The following IPO11 variants were observed in gnomAD, a reference collection of about 807,000 sequenced individuals.
The protein encoded by IPO11 is importin-11.
IPO11 carries 66 observed loss-of-function variants against 143.2 expected under a neutral mutation model. That is an observed-to-expected ratio of 0.46 (90% CI 0.38 to 0.57). The LOEUF is 0.57. Among genes scored for constraint, IPO11 ranks in the 20% least tolerant of loss-of-function variants. The pLI, the probability that IPO11 is intolerant of heterozygous loss-of-function variation, is 0.00. For synonymous variants in IPO11, 385 were observed against 377.8 expected (o/e 1.02, Z -0.22); for missense variants, 1,026 against 1,141.0 (o/e 0.90, Z 1.45).
At chr5:62,615,681 G>A (rs927090396) in intron 29 of IPO11, among the ~76,000 whole-genome samples, 1 of 152,214 alleles carries the variant, frequency 6.6e-6, no homozygotes, top group East Asian at 1.9e-4. Flanking sequence ...ATAGATGGGA[G>A]CTCTGAGGAG....
chr5:62,506,416 C>T, intron 19 of IPO11, 59 bp downstream of exon 19: 2 of 908,780 alleles, frequency 2.2e-6, no homozygotes, highest in Non-Finnish European at 3.5e-6. Flanking sequence ...ACGTAGAATT[C>T]ATTAATATCC....
chr5:62,479,550 A>G (rs905375179), intron 9 of IPO11, among the ~76,000 whole-genome samples: 24 of 152,188 alleles, frequency 1.6e-4, no homozygotes, highest in African/African-American at 5.8e-4. Context: ...TTACAGTCCC[A>G]CCAACAGTGT....
intron 27 of IPO11, among the ~76,000 whole-genome samples, chr5:62,570,429 C>T (rs1420338865): frequency 6.6e-6 from 1 of 152,118 alleles, no homozygotes; most frequent in Non-Finnish European, 1.5e-5. Flanking sequence ...TTACTTTACC[C>T]TTGAAACATA....
At chr5:62,503,942 C>T (rs991116098) in intron 16 of IPO11, among the ~76,000 whole-genome samples, 3 of 152,158 alleles carry the variant, frequency 2.0e-5, no homozygotes, top group Non-Finnish European at 2.9e-5. Context: ...TATTATCTCA[C>T]AGATTGAAAT....
rs186693649 is a variant in IPO11, at chr5:62,624,249, G to T, written c.2764-2905G>T. ...GGGTTTCTCCATGTTGGTCAGGCTG[G>T]TCTCAAACTCCTGACCTCAGGTGAT... On this transcript the variant is annotated intron_variant, in intron 29 of 29. Transcript: ENST00000325324. Among the ~76,000 whole-genome samples, 20 of 152,022 alleles carry T rather than the reference G, an allele frequency of 1.3e-4. No individual in the cohort carries two copies. The East Asian group carries it at 3.3e-3, about 25-fold the overall frequency.
chr5:62,451,407 G>C (rs1744920122), intron 4 of IPO11, among the ~76,000 whole-genome samples: 1 of 152,078 alleles, frequency 6.6e-6, no homozygotes, highest in African/African-American at 2.4e-5. Context: ...CATTTTTAGG[G>C]TCTGGCTATT....
At chr5:62,425,339 C>T (rs1000221578) in intron 1 of IPO11, among the ~76,000 whole-genome samples, 15 of 152,080 alleles carry the variant, frequency 9.9e-5, no homozygotes, top group African/African-American at 2.7e-4. Context: ...TTTTTCAAGA[C>T]GGAGTTTTGC....
In IPO11 at chr5:62,429,655, G is replaced by A. The variant is rs183389628; in HGVS notation, c.-6-7619G>A. Among the ~76,000 whole-genome samples the A allele has an allele frequency of 2.0e-3, 281 of 141,034 alleles. 4 individuals carry two copies. Among genetic ancestry groups the A allele is most frequent in the Non-Finnish European group, 6.5e-4 (42 of 64,848 alleles). 92.5% of individuals were successfully genotyped at this position (141,034 alleles called of 152,430 possible). A position where few individuals can be genotyped will look rare whatever the true frequency, so the allele number is the denominator to read the frequency against. Reference sequence around the variant, plus strand: ...GTGTTTATTTTTGAGACAGAGTCTCGCTCTGTCGTCCAGACTGGAGTGCAG... The same window carrying A: ...GTGTTTATTTTTGAGACAGAGTCTCACTCTGTCGTCCAGACTGGAGTGCAG... On this transcript the variant is annotated intron_variant, in intron 1 of 29. Coordinates refer to ENST00000325324, the MANE Select transcript of IPO11 (RefSeq NM_016338.5).
intron 27 of IPO11, among the ~76,000 whole-genome samples, chr5:62,589,676 T>A (rs1178351704): frequency 6.6e-6 from 1 of 152,200 alleles, no homozygotes; most frequent in Non-Finnish European, 1.5e-5. Context: ...TTCTTTTTAC[T>A]GCCCTGGGCA....
intron 2 of IPO11, among the ~76,000 whole-genome samples, chr5:62,439,262 A>G (rs1339435796): frequency 7.1e-6 from 1 of 140,588 alleles, no homozygotes; most frequent in Non-Finnish European, 1.5e-5. Flanking sequence ...ACTATACCTT[A>G]TTAATAATAC....
Position 62,431,934 on chromosome 5 carries a change from CACAT to C in IPO11, c.-6-5305_-6-5302del, listed in dbSNP as rs57913836. On this transcript the variant is annotated intron_variant, in intron 1 of 29. Transcript: ENST00000325324. ...CCAGCCTGGGTGACAGAGCAAGACTCACATACATACATACATACATACATACATA... is the reference window on the plus strand; with the variant it reads ...CCAGCCTGGGTGACAGAGCAAGACTCACATACATACATACATACATACATA... Among the ~76,000 whole-genome samples, 486 of 148,674 alleles carry C rather than the reference CACAT, an allele frequency of 3.3e-3. 3 individuals carry two copies. Among genetic ancestry groups the C allele is most frequent in the African/African-American group, 4.9e-3 (197 of 39,944 alleles).
Position 62,613,161 on chromosome 5 carries a change from G to A in IPO11, c.2763+11313G>A, listed in dbSNP as rs116557965. ...TTGATATTTTTTTGTTTGATGAATG[G>A]CTTGTTCATATTTCCCTCTCTCACA... On this transcript the variant is annotated intron_variant, in intron 29 of 29. Coordinates refer to ENST00000325324, the MANE Select transcript of IPO11 (RefSeq NM_016338.5). Among the ~76,000 whole-genome samples, 670 of 151,990 alleles carry A rather than the reference G, an allele frequency of 4.4e-3. 7 individuals are homozygous for A. The highest frequency in any genetic ancestry group is 0.016 in the African/African-American group (646 of 41,454).
chr5:62,511,583 A>G lies in IPO11; in HGVS notation c.1783-3805A>G, dbSNP rs116514776. ...TTCCCCACTAACACTTCACCACAGGAGAGGGGAGCAAATTCTGTAGTTGTT... is the reference window on the plus strand; with the variant it reads ...TTCCCCACTAACACTTCACCACAGGGGAGGGGAGCAAATTCTGTAGTTGTT... On this transcript the variant is annotated intron_variant, in intron 19 of 29. Coordinates refer to ENST00000325324, the MANE Select transcript of IPO11 (RefSeq NM_016338.5). Among the ~76,000 whole-genome samples, 692 of 152,304 alleles carry G rather than the reference A, an allele frequency of 4.5e-3. 5 individuals carry two copies. Among genetic ancestry groups the G allele is most frequent in the African/African-American group, 0.016 (649 of 41,556 alleles).
chr5:62,558,827 C>T (rs1474178589), intron 26 of IPO11, among the ~76,000 whole-genome samples: 3 of 152,016 alleles, frequency 2.0e-5, no homozygotes. Context: ...TTGTTTCCGA[C>T]CTCTTAGAAA....
intron 25 of IPO11, among the ~76,000 whole-genome samples, chr5:62,550,906 G>A (rs1277575450): frequency 1.3e-5 from 2 of 149,884 alleles, no homozygotes; most frequent in Admixed American, 6.7e-5. Context: ...GCAGTGAGCC[G>A]AGATTGCGCC....
intron 1 of IPO11, among the ~76,000 whole-genome samples, chr5:62,421,818 A>C (rs1045682777): frequency 2.6e-5 from 4 of 152,242 alleles, no homozygotes; most frequent in Admixed American, 1.3e-4. Flanking sequence ...GCATGTTTGA[A>C]CAAATGGGTT....
chr5:62,513,960 C>T (rs1428807995), intron 19 of IPO11, among the ~76,000 whole-genome samples: 3 of 149,494 alleles, frequency 2.0e-5, no homozygotes, highest in Admixed American at 6.6e-5. Flanking sequence ...GACGGGGCGG[C>T]GGGGCAGAGG....
At position 62,444,453 on chromosome 5, in the gene IPO11, G is replaced by A. The variant is rs1191078670; in HGVS notation, c.239+1370G>A. On this transcript the variant is annotated intron_variant, in intron 3 of 29. Coordinates refer to ENST00000325324, the MANE Select transcript of IPO11 (RefSeq NM_016338.5). ...GGAGAGAAATATGGTAAGTAGTGAT[G>A]AGAAAATGTGCATTATTTGTTTATA... Among the ~76,000 whole-genome samples the A allele has an allele frequency of 2.0e-5, 3 of 152,118 alleles. No homozygotes were observed. In the East Asian group the frequency reaches 5.8e-4, roughly 29 times the overall value.
intron 3 of IPO11, among the ~76,000 whole-genome samples, chr5:62,448,175 G>GT (rs777217925): frequency 3.9e-4 from 58 of 147,906 alleles, no homozygotes; most frequent in South Asian, 6.5e-4. Flanking sequence ...TATTTAGTAT[G>GT]TTTTTTTTTT....
Sources: allele counts gnomAD v4.1 joint callset (sites outside exome capture counted in the v4.1 genomes callset), GRCh38; gene constraint gnomAD v4.1.1; transcripts MANE v1.5; gene names NCBI Gene and HGNC (gene_info 2026-07-23, HGNC 2026-07-21).